The following USP45 variants were observed in gnomAD, a reference collection of about 807,000 sequenced individuals.
The protein encoded by USP45 is ubiquitin carboxyl-terminal hydrolase 45.
A neutral mutation model predicts 95.8 loss-of-function variants in USP45; 89 were observed. That is an observed-to-expected ratio of 0.93 (90% CI 0.78 to 1.11). The LOEUF (loss-of-function observed/expected upper bound fraction) is 1.11. USP45 is among the 50% of genes least tolerant of loss of function. USP45 has a pLI of 0.00. For synonymous variants in USP45, 281 were observed against 316.2 expected, an observed-to-expected ratio of 0.89 and a Z score of 1.18; for missense variants, 898 against 942.5, an observed-to-expected ratio of 0.95 and a Z score of 0.62.
chr6:99,491,246 G>GA (rs1433486213), intron 5 of USP45, among the ~76,000 whole-genome samples: 1 of 152,184 alleles, frequency 6.6e-6, no homozygotes, highest in Admixed American at 6.5e-5. Context: ...AGAAAAGGGG[G>GA]AAGAGGCCAG....
chr6:99,441,511 G>A (rs991547926), intron 15 of USP45, among the ~76,000 whole-genome samples: 18 of 150,112 alleles, frequency 1.2e-4, no homozygotes, highest in Non-Finnish European at 1.8e-4. Context: ...CAGCCTGGGC[G>A]ACAAAAGCGA....
chr6:99,458,082 G>A (rs934298911), intron 13 of USP45, among the ~76,000 whole-genome samples: 1 of 152,098 alleles, frequency 6.6e-6, no homozygotes, highest in Non-Finnish European at 1.5e-5. Flanking sequence ...GTGCAGTAGC[G>A]CAATCTCGGC....
intron 1 of USP45, chr6:99,514,944 A>G (rs1387750878): frequency 3.3e-5 from 5 of 152,316 alleles, no homozygotes; most frequent in Non-Finnish European, 7.3e-5. Context: ...CAAAGCCAGT[A>G]AGCGGTGGAT....
Position 99,482,784 on chromosome 6 carries a change from G to A in USP45, c.814C>T (p.Pro272Ser), listed in dbSNP as rs774231786. 1 of 1,605,568 alleles carries A rather than the reference G, an allele frequency of 6.2e-7. No individual in the cohort carries two copies. The highest frequency in any genetic ancestry group is 1.3e-5 in the African/African-American group (1 of 74,828). ...CAAAGCTGATTAAAAAGAACTTTAG[G>A]AGAAAGTGGTCCTTTTTCAGTCTCC... ...MKETEKGPLS[P>S]KVLFNQLCQK... Residue 272 changes from proline to serine, a missense_variant, in exon 8 of 18, where the codon CCT becomes TCT. Physicochemically the swap from Pro to Ser is moderately conservative, Grantham distance 74. Coordinates refer to ENST00000500704, the MANE Select transcript of USP45 (RefSeq NM_001346022.3).
intron 8 of USP45, 129 bp from the exon 9 acceptor site, chr6:99,476,359 A>G: frequency 1.2e-6 from 1 of 849,188 alleles, no homozygotes; most frequent in Non-Finnish European, 1.8e-6. Context: ...CTGTAATCCC[A>G]GCATTTGGGA....
intron 8 of USP45, among the ~76,000 whole-genome samples, chr6:99,476,870 C>T (rs1050188044): frequency 4.6e-5 from 7 of 152,106 alleles, no homozygotes; most frequent in South Asian, 4.1e-4. Flanking sequence ...TTTTTAAGGA[C>T]TTGATAATTA....
At chr6:99,440,237 T>C (rs149282054) in intron 15 of USP45, among the ~76,000 whole-genome samples, 1 of 152,316 alleles carries the variant, frequency 6.6e-6, no homozygotes, top group African/African-American at 2.4e-5. Context: ...GGTTGTCAAC[T>C]TGATTCCATA....
chr6:99,500,907 T>C (rs991135738), intron 5 of USP45, among the ~76,000 whole-genome samples: 5 of 152,202 alleles, frequency 3.3e-5, no homozygotes, highest in African/African-American at 1.2e-4. Flanking sequence ...TCCTTCACCA[T>C]TACTGTCTCA....
At chr6:99,436,694 T>C (rs1221295284) in intron 17 of USP45, among the ~76,000 whole-genome samples, 3 of 152,216 alleles carry the variant, frequency 2.0e-5, no homozygotes, top group Non-Finnish European at 4.4e-5. Context: ...TCCACTATAA[T>C]ACACAATGAC....
intron 4 of USP45, among the ~76,000 whole-genome samples, chr6:99,504,855 A>C (rs958039895): frequency 6.6e-6 from 1 of 152,184 alleles, no homozygotes; most frequent in Non-Finnish European, 1.5e-5. Flanking sequence ...ACAGAACAGC[A>C]CAGCAAGGAA....
intron 9 of USP45, 29 bp downstream of exon 9, chr6:99,476,114 A>G: frequency 6.3e-7 from 1 of 1,582,496 alleles, no homozygotes; most frequent in South Asian, 1.1e-5. Context: ...TCTTGAAGAG[A>G]ATACATGATA....
At chr6:99,504,924 C>T (rs73760081) in intron 4 of USP45, among the ~76,000 whole-genome samples, 5,750 of 152,146 alleles carry the variant, frequency 0.038, 286 homozygotes, top group African/African-American at 0.12. Context: ...GAAATCCTGG[C>T]CTAGACGAAA....
In USP45 at chr6:99,473,777, A is replaced by AACACACACACACACACACACACACACAC. The variant is rs60031754; in HGVS notation, c.933+2365_933+2366insGTGTGTGTGTGTGTGTGTGTGTGTGTGT. Among the ~76,000 whole-genome samples the AACACACACACACACACACACACACACAC allele has an allele frequency of 7.9e-3, 1,007 of 127,670 alleles. 18 individuals are homozygous for AACACACACACACACACACACACACACAC. Among genetic ancestry groups the AACACACACACACACACACACACACACAC allele is most frequent in the African/African-American group, 0.019 (612 of 32,528 alleles). 83.8% of individuals were successfully genotyped at this position (127,670 alleles called of 152,430 possible). ...CTCAAAAAAAAAACAAAAAAAACAAAACACACACACACACACACACACACA... is the reference window on the plus strand; with the variant it reads ...CTCAAAAAAAAAACAAAAAAAACAAAACACACACACACACACACACACACACACACACACACACACACACACACACACA... On this transcript the variant is annotated intron_variant, in intron 9 of 17. Transcript: ENST00000500704.
At chr6:99,467,598 CTAT>C (rs1352527821) in intron 10 of USP45, among the ~76,000 whole-genome samples, 1 of 151,648 alleles carries the variant, frequency 6.6e-6, no homozygotes, top group Non-Finnish European at 1.5e-5. Context: ...TTTAGAAATA[CTAT>C]AATAATAAAG....
chr6:99,482,989 C>A, intron 7 of USP45, 106 bp from the exon 8 acceptor site: 1 of 922,490 alleles, frequency 1.1e-6, no homozygotes, highest in South Asian at 4.8e-5. Context: ...TAAATTGCCT[C>A]AATTGTATTA....
chr6:99,454,386 G>A (rs1784542889), intron 13 of USP45, among the ~76,000 whole-genome samples: 1 of 152,132 alleles, frequency 6.6e-6, no homozygotes, highest in Admixed American at 6.5e-5. Context: ...AAACACTCAG[G>A]ACATTAGTCT....
chr6:99,489,477 T>C (rs1043860116), intron 5 of USP45, among the ~76,000 whole-genome samples: 2 of 152,326 alleles, frequency 1.3e-5, no homozygotes, highest in Middle Eastern at 3.4e-3. Flanking sequence ...CACCATCCTA[T>C]AGTGGCAATT....
At chr6:99,465,284 T>A in intron 11 of USP45, 148 bp from the exon 12 acceptor site, 2 of 526,386 alleles carry the variant, frequency 3.8e-6, no homozygotes, top group Non-Finnish European at 6.7e-6. Context: ...TAATTGGGTA[T>A]TGCAGCACAT....
At chr6:99,460,210 G>GAAC (rs898211999) in intron 13 of USP45, among the ~76,000 whole-genome samples, 11 of 151,960 alleles carry the variant, frequency 7.2e-5, no homozygotes, top group African/African-American at 2.2e-4. Flanking sequence ...TTAGCAAAGA[G>GAAC]AAGTGAAAAA....
Sources: allele counts gnomAD v4.1 joint callset (sites outside exome capture counted in the v4.1 genomes callset), GRCh38; gene constraint gnomAD v4.1.1; transcripts MANE v1.5; gene names NCBI Gene and HGNC (gene_info 2026-07-23, HGNC 2026-07-21).